NLGN1: variants seen among roughly 807,000 people sequenced by gnomAD.
NLGN1 encodes neuroligin-1.
A neutral mutation model predicts 65.5 loss-of-function variants in NLGN1; 12 were observed. The ratio of observed to expected loss-of-function variants is 0.18; its 90% confidence interval spans 0.12 to 0.30. NLGN1 has a LOEUF of 0.30. Among genes scored for constraint, NLGN1 ranks in the 10% least tolerant of loss-of-function variants. The pLI is 1.00. For synonymous variants in NLGN1, 350 were observed against 359.5 expected, an observed-to-expected ratio of 0.97 and a Z score of 0.30; for missense variants, 750 against 1,007.1, an observed-to-expected ratio of 0.74 and a Z score of 3.46.
At chr3:174,151,338 AAT>A (rs909908483) in intron 4 of NLGN1, among the ~76,000 whole-genome samples, 80 of 152,160 alleles carry the variant, frequency 5.3e-4, no homozygotes, top group African/African-American at 1.8e-3. Context: ...TGTATTTGTT[AAT>A]AGTCATAATT....
rs869302924 is a variant in NLGN1 at position 174,081,593 on chromosome 3, GGTT to G, written c.647-193718_647-193716del. Among the ~76,000 whole-genome samples the G allele has an allele frequency of 2.7e-4, 37 of 135,202 alleles. No individual in the cohort carries two copies. The East Asian group carries it at 4.3e-3, about 16-fold the overall frequency. The allele number at this position is 135,202 out of a possible 152,430, so 88.7% of individuals were successfully genotyped here. On this transcript the variant is annotated intron_variant, in intron 4 of 6. Transcript: ENST00000457714. ...CCTAATACCATCAAATTAGTGATTA[GGTT>G]GTTTTTTTTTTTTTTTTTTTGAGAC...
chr3:174,002,781 A>G (rs974674044), intron 4 of NLGN1, among the ~76,000 whole-genome samples: 10 of 152,350 alleles, frequency 6.6e-5, no homozygotes, highest in Admixed American at 2.0e-4. Context: ...TGGAGGTAGT[A>G]GTAAAACAGA....
chr3:173,417,748 G>A (rs1354930987), intron 1 of NLGN1, among the ~76,000 whole-genome samples: 1 of 151,866 alleles, frequency 6.6e-6, no homozygotes, highest in Non-Finnish European at 1.5e-5. Context: ...TGTAACTTGT[G>A]TAACAGATAT....
At chr3:173,550,320 T>C (rs1294344808) in intron 2 of NLGN1, among the ~76,000 whole-genome samples, 1 of 152,106 alleles carries the variant, frequency 6.6e-6, no homozygotes, top group Non-Finnish European at 1.5e-5. Context: ...GGATAAAATA[T>C]ATGTCATGTT....
chr3:174,030,772 T>C (rs1193303530), intron 4 of NLGN1, among the ~76,000 whole-genome samples: 1 of 152,132 alleles, frequency 6.6e-6, no homozygotes, highest in Non-Finnish European at 1.5e-5. Flanking sequence ...GACTAAATAA[T>C]ACCAAGGAAA....
intron 4 of NLGN1, among the ~76,000 whole-genome samples, chr3:174,043,521 C>A (rs1732824242): frequency 1.3e-5 from 2 of 152,154 alleles, no homozygotes; most frequent in Admixed American, 1.3e-4. Flanking sequence ...GAGCTACAGG[C>A]CCCATGCAAG....
At chr3:173,993,238 A>G (rs919731783) in intron 4 of NLGN1, among the ~76,000 whole-genome samples, 4 of 152,208 alleles carry the variant, frequency 2.6e-5, no homozygotes, top group Admixed American at 6.5e-5. Context: ...TTGTGGAAGC[A>G]TGTAAACCAT....
chr3:173,715,232 A>G (rs981028077), intron 3 of NLGN1, among the ~76,000 whole-genome samples: 7 of 152,180 alleles, frequency 4.6e-5, no homozygotes, highest in Non-Finnish European at 1.0e-4. Context: ...TCCTGAGTAA[A>G]GATCTGAACA....
At chr3:173,752,473 T>C (rs1776442415) in intron 3 of NLGN1, among the ~76,000 whole-genome samples, 1 of 152,034 alleles carries the variant, frequency 6.6e-6, no homozygotes, top group Non-Finnish European at 1.5e-5. Context: ...GCTCCAAACC[T>C]AACATATTCT....
At chr3:173,891,665 A>T (rs1395141223) in intron 4 of NLGN1, among the ~76,000 whole-genome samples, 2 of 152,150 alleles carry the variant, frequency 1.3e-5, no homozygotes, top group Non-Finnish European at 2.9e-5. Flanking sequence ...GCACAACTCT[A>T]AAACTTACCA....
At chr3:174,127,650 C>T (rs7650858) in intron 4 of NLGN1, among the ~76,000 whole-genome samples, 12,775 of 152,174 alleles carry the variant, frequency 0.084, 1,192 homozygotes, top group African/African-American at 0.23. Context: ...AGTTCCAATA[C>T]TAACCCTTCA....
chr3:173,980,729 C>CT (rs1319985141), intron 4 of NLGN1, among the ~76,000 whole-genome samples: 1 of 151,996 alleles, frequency 6.6e-6, no homozygotes, highest in Non-Finnish European at 1.5e-5. Flanking sequence ...AAAATTTTTA[C>CT]TTTAATATAT....
rs1560405789 is a variant in NLGN1, at chr3:173,539,635, C to CATATATGTAT, written c.-320-64638_-320-64637insGTATATATAT. ...TATATATTATATATTTATATATACACATATATACATATATAACATATGTGT... is the reference window on the plus strand; with the variant it reads ...TATATATTATATATTTATATATACACATATATGTATATATATACATATATAACATATGTGT... On this transcript the variant is annotated intron_variant, in intron 2 of 6. Coordinates refer to ENST00000457714, the Ensembl canonical transcript of NLGN1. Among the ~76,000 whole-genome samples the CATATATGTAT allele has an allele frequency of 4.7e-4, 17 of 36,188 alleles. No homozygotes were observed. The East Asian group carries it at 0.018, about 39-fold the overall frequency. The allele number at this position is 36,188 out of a possible 152,430, so 23.7% of individuals were successfully genotyped here. A position where few individuals can be genotyped will look rare whatever the true frequency, so the allele number is the denominator to read the frequency against.
chr3:173,708,718 A>G (rs1269032770), intron 3 of NLGN1, among the ~76,000 whole-genome samples: 1 of 152,194 alleles, frequency 6.6e-6, no homozygotes, highest in Non-Finnish European at 1.5e-5. Context: ...TTTCTGACGT[A>G]CAGGACCCAG....
chr3:174,073,835 T>C (rs1364303635), intron 4 of NLGN1, among the ~76,000 whole-genome samples: 1 of 152,168 alleles, frequency 6.6e-6, no homozygotes, highest in Non-Finnish European at 1.5e-5. Flanking sequence ...ACAGTCAAAA[T>C]CTTTCAAAAC....
rs1424733623 is a variant in NLGN1 at position 173,807,423 on chromosome 3, C to A, written c.494-257C>A. Among the ~76,000 whole-genome samples, 2 of 152,116 alleles carry A rather than the reference C, an allele frequency of 1.3e-5. 1 individual carries two copies. The highest frequency in any genetic ancestry group is 2.9e-5 in the Non-Finnish European group (2 of 67,990). Reference sequence around the variant, plus strand: ...AATCAAAATGCACTAAAATTCACATCTAATTTTAATTTGTCTAAGTTTTAT... The same window carrying A: ...AATCAAAATGCACTAAAATTCACATATAATTTTAATTTGTCTAAGTTTTAT... On this transcript the variant is annotated intron_variant, in intron 3 of 6. Transcript: ENST00000457714.
In NLGN1 at chr3:173,462,199, T is replaced by C. The variant is rs116547341; in HGVS notation, c.-321+27121T>C. The stretch of plus-strand genomic sequence containing the variant: ...AAATTGATAGCAAATAGTTGGCTCA[T>C]TGGCAATAGTCCATTGGCCCCATTT... On this transcript the variant is annotated intron_variant, in intron 2 of 6. Transcript: ENST00000457714. Among the ~76,000 whole-genome samples, 531 of 152,306 alleles carry C rather than the reference T, an allele frequency of 3.5e-3. 2 individuals carry two copies. Among genetic ancestry groups the C allele is most frequent in the African/African-American group, 0.011 (472 of 41,570 alleles).
Position 173,599,794 on chromosome 3 carries a change from A to C in NLGN1, c.-320-4485A>C, listed in dbSNP as rs1380573014. On this transcript the variant is annotated intron_variant, in intron 2 of 6. Coordinates refer to ENST00000457714, the Ensembl canonical transcript of NLGN1. ...TGTCTGTTCACTAAAATGTATTTGT[A>C]ATCCTAAAATCAACACTTACAGCAC... Among the ~76,000 whole-genome samples the C allele has an allele frequency of 2.6e-5, 4 of 152,144 alleles. No homozygotes were observed. The East Asian group carries it at 7.7e-4, about 29-fold the overall frequency.
At chr3:173,835,515 C>T (rs1723453372) in intron 4 of NLGN1, among the ~76,000 whole-genome samples, 1 of 149,570 alleles carries the variant, frequency 6.7e-6, no homozygotes. Flanking sequence ...AGAGATAAAG[C>T]ATATATATTG....
Sources: allele counts gnomAD v4.1 joint callset (sites outside exome capture counted in the v4.1 genomes callset), GRCh38; gene constraint gnomAD v4.1.1; transcripts MANE v1.5; gene names NCBI Gene and HGNC (gene_info 2026-07-23, HGNC 2026-07-21).